The following COPS5 variants were observed in gnomAD, a reference collection of about 807,000 sequenced individuals.
COPS5 encodes the protein COP9 signalosome complex subunit 5.
In COPS5, 8 loss-of-function variants were observed where a neutral mutation model predicts 44.4. That is an observed-to-expected ratio of 0.18 (90% CI 0.11 to 0.32). The LOEUF is 0.32. COPS5 is among the 10% of genes least tolerant of loss of function. The pLI is 1.00. For synonymous variants in COPS5, 122 were observed against 142.8 expected, an observed-to-expected ratio of 0.85 and a Z score of 1.04; for missense variants, 159 against 406.4, an observed-to-expected ratio of 0.39 and a Z score of 5.23.
chr8:67,062,080 TC>T lies in COPS5; in HGVS notation c.-85del. On this transcript the variant is annotated 5_prime_UTR_variant, in exon 1 of 8. Transcript: ENST00000357849. ...GGTTTCCGGGTGTGGGCCTTGACCCTCCGCACCACGGGAACAAACTCTTACC... is the reference window on the plus strand; with the variant it reads ...GGTTTCCGGGTGTGGGCCTTGACCCTCGCACCACGGGAACAAACTCTTACC... 1 of 1,600,242 alleles carries T rather than the reference TC, an allele frequency of 6.2e-7. No homozygotes were observed. Among genetic ancestry groups the T allele is most frequent in the Non-Finnish European group, 8.5e-7 (1 of 1,175,034 alleles).
chr8:67,048,856 A>G (rs1338680627), intron 6 of COPS5, among the ~76,000 whole-genome samples: 1 of 152,240 alleles, frequency 6.6e-6, no homozygotes, highest in African/African-American at 2.4e-5. Context: ...CTTTATATAA[A>G]GTAGCCCATT....
chr8:67,051,318 T>A lies in COPS5; in HGVS notation c.683A>T (p.Tyr228Phe). 1 of 1,608,240 alleles carries A rather than the reference T, an allele frequency of 6.2e-7. No individual in the cohort carries two copies. Among genetic ancestry groups the A allele is most frequent in the Non-Finnish European group, 8.5e-7 (1 of 1,176,292 alleles). Reference protein sequence around the residue: ...CKQYYALEVSYFKSSLDRKLL... With the variant: ...CKQYYALEVSFFKSSLDRKLL... ...TTTGCGATCCAAAGAGGATTTGAAATATGAGACTTCTAAGGCATAATATCT... is the reference window on the plus strand; with the variant it reads ...TTTGCGATCCAAAGAGGATTTGAAAAATGAGACTTCTAAGGCATAATATCT... Residue 228 changes from tyrosine to phenylalanine, a missense_variant, in exon 6 of 8, where the codon TAT becomes TTT. Physicochemically the swap from Tyr to Phe is conservative, Grantham distance 22. Transcript: ENST00000357849.
At position 67,047,392 on chromosome 8, in the gene COPS5, C is replaced by T. The variant is rs977640868; in HGVS notation, c.772-1432G>A. 1.3e-5 allele frequency among the ~76,000 whole-genome samples: 2 copies of T among 152,258 alleles called. 1 individual carries two copies. The highest frequency in any genetic ancestry group is 1.3e-4 in the Admixed American group (2 of 15,286). On this transcript the variant is annotated intron_variant, in intron 6 of 7. Coordinates refer to ENST00000357849, the MANE Select transcript of COPS5 (RefSeq NM_006837.3). ...AGGAAGCCAATGTATTTTCCTCCCA[C>T]AGACTTGGAAAAAACCCTAAAGTTT...
intron 7 of COPS5, 142 bp downstream of exon 7, chr8:67,045,670 A>G: frequency 1.2e-6 from 1 of 828,624 alleles, no homozygotes; most frequent in Non-Finnish European, 1.9e-6. Context: ...ACAACTCCTA[A>G]AGTTTCCAAG....
chr8:67,053,998 T>TC (rs1217007830), intron 5 of COPS5, among the ~76,000 whole-genome samples: 3 of 138,418 alleles, frequency 2.2e-5, no homozygotes, highest in African/African-American at 8.1e-5. Flanking sequence ...AGAGCAAGAC[T>TC]CCATTTAAAA....
chr8:67,057,510 A>G lies in COPS5; in HGVS notation c.508-65T>C, dbSNP rs535662317. ...TGTATGCCTTTTATTTAAACATTAT[A>G]AACCTAGAAATGTATACATACATAT... On this transcript the variant is annotated intron_variant, in intron 3 of 7. Transcript: ENST00000357849. 1.2e-5 allele frequency: 14 copies of G among 1,143,526 alleles called. No individual in the cohort carries two copies. In the African/African-American group the frequency reaches 1.9e-4, roughly 15 times the overall value. The allele number at this position is 1,143,526 out of a possible 1,614,324, so 70.8% of individuals were successfully genotyped here. A position where few individuals can be genotyped will look rare whatever the true frequency, so the allele number is the denominator to read the frequency against.
chr8:67,062,033 A>G lies in COPS5; in HGVS notation c.-37T>C, dbSNP rs560789464. 1.2e-6 allele frequency: 2 copies of G among 1,613,926 alleles called. No individual in the cohort carries two copies. The highest frequency in any genetic ancestry group is 2.2e-5 in the East Asian group (1 of 44,878). On this transcript the variant is annotated 5_prime_UTR_variant, in exon 1 of 8. Transcript: ENST00000357849. ...CGGAGAAGTTGTCGTCTCTACAACC[A>G]AGACGCAACTTTACCTCGCTAGGTT...
chr8:67,055,730 G>A lies in COPS5; in HGVS notation c.659+789C>T, dbSNP rs1023761426. ...AAAATACAAAAATTAGCTAGGTGTG[G>A]TGGCACACACCTATAATCCCAGCTA... On this transcript the variant is annotated intron_variant, in intron 5 of 7. Coordinates refer to ENST00000357849, the MANE Select transcript of COPS5 (RefSeq NM_006837.3). Among the ~76,000 whole-genome samples the A allele has an allele frequency of 2.6e-5, 4 of 152,004 alleles. No homozygotes were observed. The South Asian group carries it at 6.2e-4, about 24-fold the overall frequency.
At chr8:67,061,661 T>A in intron 1 of COPS5, 193 bp downstream of exon 1, 1 of 601,784 alleles carries the variant, frequency 1.7e-6, no homozygotes, top group South Asian at 2.0e-5. Flanking sequence ...CGGGGGCAAA[T>A]GGATTAAAGC....
chr8:67,061,787 C>G, intron 1 of COPS5, 67 bp downstream of exon 1: 9 of 1,533,100 alleles, frequency 5.9e-6, no homozygotes, highest in Non-Finnish European at 7.2e-6. Flanking sequence ...TCACCTCCCT[C>G]TCCCTCTGGG....
At position 67,045,850 on chromosome 8, in the gene COPS5, T is replaced by G; in HGVS notation, c.882A>C (p.Arg294=). 6.2e-7 allele frequency: 1 copy of G among 1,614,224 alleles called. No homozygotes were observed. Among genetic ancestry groups the G allele is most frequent in the Admixed American group, 1.7e-5 (1 of 60,024 alleles). ...SFMLGLETHD[R]KSEDKLAKAT... ...CTTTGGCAAGTTTGTCTTCTGATTTTCGGTCATGCGTTTCTAAACCCAACA... is the reference window on the plus strand; with the variant it reads ...CTTTGGCAAGTTTGTCTTCTGATTTGCGGTCATGCGTTTCTAAACCCAACA... The change falls in exon 7 of 8, where the codon CGA becomes CGC. Residue 294 remains arginine, a synonymous_variant. Coordinates refer to ENST00000357849, the MANE Select transcript of COPS5 (RefSeq NM_006837.3).
intron 7 of COPS5, chr8:67,044,977 T>A (rs1816682132): frequency 2.0e-5 from 3 of 152,316 alleles, no homozygotes; most frequent in Non-Finnish European, 4.4e-5. Context: ...AAGGTCCACA[T>A]AATTATTTCG....
intron 7 of COPS5, 44 bp from the exon 8 acceptor site, chr8:67,043,361 C>T (rs547534921): frequency 8.3e-7 from 1 of 1,199,226 alleles, no homozygotes. Flanking sequence ...AAATTGAAAA[C>T]TATTTCAAAC....
chr8:67,059,806 CTT>C, intron 1 of COPS5: 1 of 229,590 alleles, frequency 4.4e-6, no homozygotes. Flanking sequence ...GAGGCCTAAC[CTT>C]CTGGCCTAAT....
At chr8:67,059,081 T>C in intron 2 of COPS5, 130 bp downstream of exon 2, 1 of 630,328 alleles carries the variant, frequency 1.6e-6, no homozygotes. Flanking sequence ...TCTCGTACAT[T>C]TTACATATAA....
Position 67,061,985 on chromosome 8 carries a change from G to A in COPS5, c.12C>T (p.Ser4=). The A allele has an allele frequency of 3.7e-6, 6 of 1,614,180 alleles. No individual in the cohort carries two copies. Among genetic ancestry groups the A allele is most frequent in the Non-Finnish European group, 4.2e-6 (5 of 1,180,038 alleles). The change falls in exon 1 of 8, where the codon TCC becomes TCT. Residue 4 remains serine (S), a synonymous_variant. Coordinates refer to ENST00000357849, the MANE Select transcript of COPS5 (RefSeq NM_006837.3). ...AGGTTTTCTGGGCCATACCGCTCCC[G>A]GACGCCGCCATCGCCGAGGAAGCGG... MAA[S]GSGMAQKTWE...
intron 1 of COPS5, 70 bp from the exon 2 acceptor site, chr8:67,059,515 G>C (rs1585717045): frequency 8.8e-7 from 1 of 1,132,096 alleles, no homozygotes; most frequent in Middle Eastern, 2.0e-4. Flanking sequence ...TTTTTATGAA[G>C]ATAAAGAGTA....
chr8:67,053,311 G>A (rs1243505216), intron 5 of COPS5, among the ~76,000 whole-genome samples: 2 of 151,186 alleles, frequency 1.3e-5, no homozygotes, highest in South Asian at 2.1e-4. Flanking sequence ...GGCTGGTCTC[G>A]AACTCCTGAC....
intron 2 of COPS5, among the ~76,000 whole-genome samples, chr8:67,058,450 AT>A: frequency 6.6e-6 from 1 of 152,338 alleles, no homozygotes; most frequent in Admixed American, 6.5e-5. Context: ...AGCATACCAC[AT>A]AACATAATAA....
Sources: allele counts gnomAD v4.1 joint callset (sites outside exome capture counted in the v4.1 genomes callset), GRCh38; gene constraint gnomAD v4.1.1; transcripts MANE v1.5; gene names NCBI Gene and HGNC (gene_info 2026-07-23, HGNC 2026-07-21).